The following ANKRD17 variants were observed in gnomAD, a reference collection of about 807,000 sequenced individuals.
ANKRD17 encodes the protein ankyrin repeat domain-containing protein 17.
In ANKRD17, 19 loss-of-function variants were observed where a neutral mutation model predicts 229.7. That is an observed-to-expected ratio of 0.08 (90% CI 0.06 to 0.12). The LOEUF (loss-of-function observed/expected upper bound fraction) is 0.12, where lower values mean the gene tolerates loss of function less well. Among genes scored for constraint, ANKRD17 ranks in the 10% least tolerant of loss-of-function variants. ANKRD17 has a pLI of 1.00. For synonymous variants in ANKRD17, 1,112 were observed against 1,146.1 expected (o/e 0.97, Z 0.60); for missense variants, 2,176 against 3,176.8 (o/e 0.68, Z 7.57).
intron 1 of ANKRD17, among the ~76,000 whole-genome samples, chr4:73,217,821 A>G (rs1741285269): frequency 6.6e-6 from 1 of 152,232 alleles, no homozygotes; most frequent in African/African-American, 2.4e-5. Flanking sequence ...TATAAGGTAT[A>G]TATAAAACAT....
chr4:73,087,737 T>C (rs1473037571), intron 29 of ANKRD17, among the ~76,000 whole-genome samples: 2 of 152,194 alleles, frequency 1.3e-5, no homozygotes, highest in Admixed American at 6.5e-5. Context: ...AATAGTGGCA[T>C]AGCTGTGAAG....
intron 10 of ANKRD17, 143 bp from the exon 11 acceptor site, chr4:73,144,975 A>C (rs1730068858): frequency 1.8e-6 from 1 of 544,670 alleles, no homozygotes; most frequent in South Asian, 3.4e-5. Flanking sequence ...ATTAAGAAAT[A>C]TACTTTTAAA....
intron 2 of ANKRD17, among the ~76,000 whole-genome samples, chr4:73,163,611 TG>T (rs1482687474): frequency 6.6e-6 from 1 of 152,232 alleles, no homozygotes; most frequent in African/African-American, 2.4e-5. Flanking sequence ...ATAAGTTTCA[TG>T]TTTAAAGTTT....
chr4:73,255,492 A>G (rs531129402), intron 1 of ANKRD17, among the ~76,000 whole-genome samples: 16 of 152,320 alleles, frequency 1.1e-4, no homozygotes, highest in African/African-American at 3.6e-4. Flanking sequence ...AGAATGAATT[A>G]GAGAAAAGAC....
At chr4:73,202,951 T>C (rs1271333654) in intron 1 of ANKRD17, among the ~76,000 whole-genome samples, 2 of 152,154 alleles carry the variant, frequency 1.3e-5, no homozygotes, top group Non-Finnish European at 2.9e-5. Context: ...ATGAAGTCTA[T>C]AAAACTGAAA....
intron 1 of ANKRD17, among the ~76,000 whole-genome samples, chr4:73,244,737 C>CA (rs1266767468): frequency 6.6e-6 from 1 of 152,138 alleles, no homozygotes; most frequent in African/African-American, 2.4e-5. Context: ...TTGGAAATGA[C>CA]ACGCTGCTCT....
chr4:73,240,803 ATTC>A (rs1439276354), intron 1 of ANKRD17, among the ~76,000 whole-genome samples: 3 of 144,140 alleles, frequency 2.1e-5, no homozygotes, highest in Non-Finnish European at 4.5e-5. Context: ...TTCAGTACTT[ATTC>A]TTTTTTTTTT....
Position 73,090,990 on chromosome 4 carries a change from C to T in ANKRD17, c.6638G>A (p.Ser2213Asn). 7 of 1,614,204 alleles carry T rather than the reference C, an allele frequency of 4.3e-6. No individual in the cohort carries two copies. Among genetic ancestry groups the T allele is most frequent in the Non-Finnish European group, 5.9e-6 (7 of 1,180,032 alleles). The change falls in exon 29 of 34, where the codon AGT (serine) becomes AAT (asparagine). Residue 2213 changes from serine (S) to asparagine (N), a missense_variant. Coordinates refer to ENST00000358602, the MANE Select transcript of ANKRD17 (RefSeq NM_032217.5). ...LSVNHIKRPH[S>N]VPSSVQLPST... ...AGGTAGCTGGACAGAAGAGGGAACA[C>T]TGTGAGGTCTTTTAATGTGATTGAC...
Position 73,141,731 on chromosome 4 carries a change from T to C in ANKRD17, c.2332+10A>G. 6.2e-7 allele frequency: 1 copy of C among 1,609,076 alleles called. No individual in the cohort carries two copies. Among genetic ancestry groups the C allele is most frequent in the Non-Finnish European group, 8.5e-7 (1 of 1,175,526 alleles). ...CCAAGTAAGAAACAGTCTTTAGAAG[T>C]ATAACTGACCTTTATTCCTGATGGG... On this transcript the variant is annotated intron_variant, in intron 14 of 33. Transcript: ENST00000358602.
chr4:73,181,146 T>G (rs1329537718), intron 1 of ANKRD17, among the ~76,000 whole-genome samples: 1 of 152,180 alleles, frequency 6.6e-6, no homozygotes, highest in African/African-American at 2.4e-5. Context: ...AAAGGTATAT[T>G]TTATAGATCT....
In ANKRD17 at chr4:73,091,540, G is replaced by A; in HGVS notation, c.6088C>T (p.Pro2030Ser). 6.2e-7 allele frequency: 1 copy of A among 1,614,206 alleles called. No homozygotes were observed. The highest frequency in any genetic ancestry group is 1.1e-5 in the South Asian group (1 of 91,092). Residue 2030 changes from proline (P) to serine (S), a missense_variant, in exon 29 of 34, where the codon CCT becomes TCT. Pro to Ser is a moderately conservative substitution (Grantham distance 74, BLOSUM62 -1). This residue lies in a region of ANKRD17 where 424 missense variants were observed against 454.0 expected (regional missense o/e 0.93). Transcript: ENST00000358602. Reference protein sequence around the residue: ...NNTAPTNATYPMPTAKEHYPV... With the variant: ...NNTAPTNATYSMPTAKEHYPV... ...TAGTGTTCTTTGGCAGTAGGCATAGGATATGTGGCATTTGTGGGTGCAGTG... is the reference window on the plus strand; with the variant it reads ...TAGTGTTCTTTGGCAGTAGGCATAGAATATGTGGCATTTGTGGGTGCAGTG...
chr4:73,162,989 C>T (rs1209444893), intron 2 of ANKRD17, among the ~76,000 whole-genome samples: 1 of 151,746 alleles, frequency 6.6e-6, no homozygotes, highest in Non-Finnish European at 1.5e-5. Flanking sequence ...CTCTTAAGCA[C>T]CTGCGACCAC....
chr4:73,151,228 T>A (rs571018935), intron 7 of ANKRD17, among the ~76,000 whole-genome samples: 7 of 152,190 alleles, frequency 4.6e-5, no homozygotes, highest in Admixed American at 3.3e-4. Context: ...GACTTTGGTA[T>A]AGTTATATGA....
At chr4:73,186,163 T>C (rs1736266164) in intron 1 of ANKRD17, among the ~76,000 whole-genome samples, 2 of 152,076 alleles carry the variant, frequency 1.3e-5, no homozygotes, top group South Asian at 4.1e-4. Context: ...GTATTTTTTA[T>C]AGTCTTAAAT....
At chr4:73,207,033 A>T (rs1274430748) in intron 1 of ANKRD17, among the ~76,000 whole-genome samples, 1 of 152,164 alleles carries the variant, frequency 6.6e-6, no homozygotes, top group Non-Finnish European at 1.5e-5. Flanking sequence ...CATGTTGGCC[A>T]GGCTTATTTT....
intron 1 of ANKRD17, 133 bp downstream of exon 1, chr4:73,258,143 A>G: frequency 6.8e-7 from 1 of 1,477,906 alleles, no homozygotes; most frequent in Admixed American, 2.1e-5. Context: ...GAGGGAAGAA[A>G]GGGGGCAGTC....
At chr4:73,251,566 T>C (rs2149283880) in intron 1 of ANKRD17, among the ~76,000 whole-genome samples, 1 of 84,084 alleles carries the variant, frequency 1.2e-5, no homozygotes, top group South Asian at 3.9e-4. Context: ...AAAGTTAGGT[T>C]TGGTGTAGGT....
rs374158753 is a variant in ANKRD17, at chr4:73,188,419, T to C, written c.394-10886A>G. Among the ~76,000 whole-genome samples the C allele has an allele frequency of 1.3e-4, 20 of 152,008 alleles. No homozygotes were observed. In the South Asian group the frequency reaches 4.2e-3, roughly 32 times the overall value. ...GGCCAATATGGTGACTCCTCATCTC[T>C]ACTAAAAATATAAAAATTAGCCGGG... On this transcript the variant is annotated intron_variant, in intron 1 of 33. Transcript: ENST00000358602.
In ANKRD17 at chr4:73,092,007, C is replaced by G; in HGVS notation, c.5621G>C (p.Arg1874Thr). Residue 1874 changes from arginine (R) to threonine (T), a missense_variant, in exon 29 of 34, where the codon AGG becomes ACG. Arg to Thr is a moderately conservative substitution (Grantham distance 71). Around this residue, in one of 18 missense-constraint regions of ANKRD17, gnomAD observed 142 missense variants for 200.4 expected, o/e 0.71. Transcript: ENST00000358602. Reference protein sequence around the residue: ...KTIKNPVNNVRPGFPVSLPLA... With the variant: ...KTIKNPVNNVTPGFPVSLPLA... ...TGGAAGAGAAACTGGAAAACCAGGC[C>G]TCACATTATTCACTGGGTTCTTAAT... 1 of 1,614,174 alleles carries G rather than the reference C, an allele frequency of 6.2e-7. No individual in the cohort carries two copies. Among genetic ancestry groups the G allele is most frequent in the Non-Finnish European group, 8.5e-7 (1 of 1,180,032 alleles).
Sources: gnomAD v4.1 joint callset for allele counts (sites outside exome capture counted in the v4.1 genomes callset) on GRCh38, gnomAD v4.1.1 for gene constraint, gnomAD v4.1.1 regional missense constraint, MANE v1.5 for transcripts, NCBI Gene and HGNC (gene_info 2026-07-23, HGNC 2026-07-21) for gene names.